NTRK3: variants seen among roughly 807,000 people sequenced by gnomAD.
The protein encoded by NTRK3 is neurotrophic receptor tyrosine kinase 3.
In NTRK3, 24 loss-of-function variants were observed where a neutral mutation model predicts 91.7. The ratio of observed to expected loss-of-function variants is 0.26; its 90% confidence interval spans 0.19 to 0.37. The LOEUF (loss-of-function observed/expected upper bound fraction) is 0.37. NTRK3 is among the 10% of genes least tolerant of loss of function. The pLI is 1.00. For missense variants in NTRK3, 880 were observed against 1,068.9 expected (o/e 0.82, Z 2.46); for synonymous variants, 483 against 404.0 (o/e 1.20, Z -2.34).
At chr15:88,144,564 C>CTTACCTGTT (rs1401709619) in intron 6 of NTRK3, among the ~76,000 whole-genome samples, 2 of 152,098 alleles carry the variant, frequency 1.3e-5, no homozygotes, top group African/African-American at 4.8e-5. Context: ...GAGAAACAGC[C>CTTACCTGTT]TGGTCTTTGG....
chr15:88,217,962 G>A (rs946130795), intron 3 of NTRK3, among the ~76,000 whole-genome samples: 8 of 151,940 alleles, frequency 5.3e-5, no homozygotes, highest in African/African-American at 1.9e-4. Flanking sequence ...GGGTTTCACC[G>A]TTTTAGCACA....
chr15:87,895,645 T>C (rs8040943), intron 17 of NTRK3, among the ~76,000 whole-genome samples: 106,741 of 151,670 alleles, frequency 0.7, 37,651 homozygotes, highest in Non-Finnish European at 0.73. Flanking sequence ...TTTCCAGATC[T>C]GGGAGATAAT....
At chr15:87,873,515 TG>T (rs1463572559) in exon 19 of NTRK3, 1 of 231,804 alleles carries the variant, frequency 4.3e-6, no homozygotes, top group Non-Finnish European at 8.5e-6. Context: ...GAGACCAGCC[TG>T]GGTGCCCTGG....
chr15:88,010,310 C>T (rs1305404086), intron 14 of NTRK3, among the ~76,000 whole-genome samples: 3 of 152,190 alleles, frequency 2.0e-5, no homozygotes, highest in Non-Finnish European at 4.4e-5. Flanking sequence ...TTCTCTAAAA[C>T]ACGGCTCCAG....
chr15:88,160,626 G>A (rs888823762), intron 5 of NTRK3, among the ~76,000 whole-genome samples: 2 of 152,302 alleles, frequency 1.3e-5, no homozygotes, highest in African/African-American at 4.8e-5. Context: ...CACACCATTG[G>A]CCTTTAGGGG....
intron 14 of NTRK3, among the ~76,000 whole-genome samples, chr15:87,995,596 C>T (rs2141553147): frequency 6.6e-6 from 1 of 152,138 alleles, no homozygotes; most frequent in South Asian, 2.1e-4. Flanking sequence ...GAGTTTTGGG[C>T]AATGGGTGAG....
intron 17 of NTRK3, among the ~76,000 whole-genome samples, chr15:87,907,922 G>C (rs2066866758): frequency 6.6e-6 from 1 of 152,182 alleles, no homozygotes; most frequent in Non-Finnish European, 1.5e-5. Context: ...ATCTGACTCA[G>C]TCACAGAGGA....
In NTRK3 at chr15:88,184,313, G is replaced by A. The variant is rs749880350; in HGVS notation, c.249-14C>T. 2.5e-5 allele frequency: 40 copies of A among 1,613,670 alleles called. No individual in the cohort carries two copies. The South Asian group carries it at 4.2e-4, about 17-fold the overall frequency. On this transcript the variant is annotated splice_polypyrimidine_tract_variant and intron_variant, in intron 3 of 18. Transcript: ENST00000394480. ...TTCTCTATGTGTCTGCAGGGGAGGA[G>A]GAAAGGTAACGGTCAGCCAGAAGCA...
chr15:87,993,204 C>A (rs551610815), intron 14 of NTRK3, among the ~76,000 whole-genome samples: 12 of 152,126 alleles, frequency 7.9e-5, no homozygotes, highest in Non-Finnish European at 1.5e-4. Flanking sequence ...ATGGCCGTAC[C>A]ATTTAGGATA....
At chr15:87,888,294 C>T (rs2065661931) in intron 17 of NTRK3, among the ~76,000 whole-genome samples, 1 of 152,128 alleles carries the variant, frequency 6.6e-6, no homozygotes, top group Non-Finnish European at 1.5e-5. Flanking sequence ...CACTACGGAT[C>T]AAGCTGGAGC....
chr15:88,142,554 A>T (rs1362999736), intron 6 of NTRK3, among the ~76,000 whole-genome samples: 1 of 152,192 alleles, frequency 6.6e-6, no homozygotes, highest in African/African-American at 2.4e-5. Context: ...ACTTCCAGTG[A>T]CAGTCCTGGG....
At chr15:88,011,703 A>G (rs1265921270) in intron 14 of NTRK3, among the ~76,000 whole-genome samples, 2 of 152,138 alleles carry the variant, frequency 1.3e-5, no homozygotes, top group East Asian at 1.9e-4. Context: ...CAGCTTCTAC[A>G]TGGGGAGACA....
chr15:88,256,307 T>C, exon 2 of NTRK3: 1 of 678,040 alleles, frequency 1.5e-6, no homozygotes, highest in South Asian at 1.6e-5. Context: ...AGCGATCAGA[T>C]GCAAAATCCT....
At chr15:87,863,526 T>TTC (rs1480071803) in exon 19 of NTRK3, 1 of 203,182 alleles carries the variant, frequency 4.9e-6, no homozygotes, top group Non-Finnish European at 9.9e-6. Context: ...CCAAAAGTCT[T>TTC]TTTTTTTTTT....
chr15:88,092,525 G>A (rs1463403788), intron 13 of NTRK3, among the ~76,000 whole-genome samples: 1 of 152,192 alleles, frequency 6.6e-6, no homozygotes, highest in African/African-American at 2.4e-5. Flanking sequence ...GTGGCCACAA[G>A]CCAGACTGGC....
At chr15:87,938,743 T>A (rs1238246615) in intron 15 of NTRK3, among the ~76,000 whole-genome samples, 3 of 152,188 alleles carry the variant, frequency 2.0e-5, no homozygotes, top group African/African-American at 7.2e-5. Flanking sequence ...CGTGGATTAG[T>A]GTCATCCTAT....
intron 4 of NTRK3, among the ~76,000 whole-genome samples, chr15:88,183,949 G>T (rs930287904): frequency 6.6e-6 from 1 of 151,950 alleles, no homozygotes; most frequent in African/African-American, 2.4e-5. Flanking sequence ...AGCATGCCTG[G>T]GTTCTAGGCC....
rs16941251 is a variant in NTRK3, at chr15:88,094,607, T to C, written c.1396+31664A>G. ...GATCATACTCATGAAACTCATGAAA[T>C]ACTCAGCCTTCTTGGGAAGAAGGAT... On this transcript the variant is annotated intron_variant, in intron 13 of 18. Coordinates refer to ENST00000394480, the Ensembl canonical transcript of NTRK3. Among the ~76,000 whole-genome samples, 1,200 of 145,006 alleles carry C rather than the reference T, an allele frequency of 8.3e-3. 10 individuals carry two copies. The highest frequency in any genetic ancestry group is 0.029 in the African/African-American group (1,135 of 39,216).
At chr15:88,244,070 T>A (rs966347583) in intron 3 of NTRK3, among the ~76,000 whole-genome samples, 1 of 152,192 alleles carries the variant, frequency 6.6e-6, no homozygotes, top group East Asian at 1.9e-4. Flanking sequence ...CTGTTCTCCA[T>A]GCCAGCCACT....
Sources: allele counts gnomAD v4.1 joint callset (sites outside exome capture counted in the v4.1 genomes callset), GRCh38; gene constraint gnomAD v4.1.1; transcripts MANE v1.5; gene names NCBI Gene and HGNC (gene_info 2026-07-23, HGNC 2026-07-21).